Variants in CNTN4 observed in about 807,000 individuals in gnomAD.
CNTN4 encodes contactin-4.
Under a neutral mutation model 122.5 loss-of-function variants are expected in CNTN4, and 77 were observed. The observed-to-expected ratio is 0.63, with a 90% CI of 0.52 to 0.76. The LOEUF is 0.76. CNTN4 is among the 30% of genes least tolerant of loss of function. CNTN4 has a pLI of 0.00. For synonymous variants in CNTN4, 512 were observed against 447.0 expected, an observed-to-expected ratio of 1.15 and a Z score of -1.83; for missense variants, 1,256 against 1,259.1, an observed-to-expected ratio of 1.00 and a Z score of 0.04.
chr3:3,016,826 A>T (rs1697802989), intron 14 of CNTN4, among the ~76,000 whole-genome samples: 1 of 152,004 alleles, frequency 6.6e-6, no homozygotes, highest in African/African-American at 2.4e-5. Flanking sequence ...CTGCTTTGCG[A>T]TTTTCCCCCA....
At chr3:2,672,724 A>T (rs576068369) in intron 4 of CNTN4, among the ~76,000 whole-genome samples, 4 of 152,198 alleles carry the variant, frequency 2.6e-5, no homozygotes, top group African/African-American at 9.6e-5. Context: ...AGCTGTTCCT[A>T]TTCGGCCATC....
intron 4 of CNTN4, among the ~76,000 whole-genome samples, chr3:2,703,518 A>G (rs1161787521): frequency 6.6e-6 from 1 of 152,334 alleles, no homozygotes; most frequent in South Asian, 2.1e-4. Flanking sequence ...TGAAACAATC[A>G]TAACAGTTCC....
At chr3:2,441,310 G>A (rs1217053624) in intron 3 of CNTN4, among the ~76,000 whole-genome samples, 3 of 152,140 alleles carry the variant, frequency 2.0e-5, no homozygotes, top group Non-Finnish European at 4.4e-5. Flanking sequence ...ATTAATATGT[G>A]ATTCAAAAGT....
chr3:2,666,327 A>T (rs1439714734), intron 4 of CNTN4, among the ~76,000 whole-genome samples: 1 of 152,184 alleles, frequency 6.6e-6, no homozygotes, highest in East Asian at 1.9e-4. Context: ...TTAAGTCTTC[A>T]TAGTCATGGT....
chr3:2,587,960 G>C (rs1276092247), intron 4 of CNTN4, among the ~76,000 whole-genome samples: 3 of 152,064 alleles, frequency 2.0e-5, no homozygotes, highest in Non-Finnish European at 4.4e-5. Context: ...TAAAGAGTGA[G>C]ATGGAGCACA....
chr3:2,704,828 C>T (rs1347591573), intron 4 of CNTN4, among the ~76,000 whole-genome samples: 2 of 152,106 alleles, frequency 1.3e-5, no homozygotes, highest in Non-Finnish European at 2.9e-5. Context: ...CCATAGATGA[C>T]AGTTGAAGTT....
At chr3:2,980,557 C>A (rs895298797) in intron 13 of CNTN4, among the ~76,000 whole-genome samples, 13 of 152,258 alleles carry the variant, frequency 8.5e-5, no homozygotes, top group Admixed American at 4.6e-4. Context: ...GAAATCTCAT[C>A]CAGAAACAAA....
chr3:2,143,698 T>A (rs912617017), intron 2 of CNTN4, among the ~76,000 whole-genome samples: 4 of 152,244 alleles, frequency 2.6e-5, no homozygotes, highest in African/African-American at 7.2e-5. Context: ...GTTATTATTA[T>A]CTCTGATTTG....
chr3:2,516,721 C>T (rs1181916732), intron 3 of CNTN4, among the ~76,000 whole-genome samples: 2 of 151,954 alleles, frequency 1.3e-5, no homozygotes, highest in East Asian at 3.9e-4. Context: ...GAGAGGAACA[C>T]ATCAGAAGGA....
Position 2,896,465 on chromosome 3 carries a change from C to T in CNTN4, c.941-4220C>T, listed in dbSNP as rs1009631298. Among the ~76,000 whole-genome samples, 7 of 152,242 alleles carry T rather than the reference C, an allele frequency of 4.6e-5. No homozygotes were observed. The East Asian group carries it at 7.7e-4, about 17-fold the overall frequency. On this transcript the variant is annotated intron_variant, in intron 10 of 24. Transcript: ENST00000418658. ...AGAAGCACAGATTATCAGTGCTGAA[C>T]AAACACCAAAGATGGACCTTGCCCT...
intron 3 of CNTN4, among the ~76,000 whole-genome samples, chr3:2,397,575 C>G (rs2046686401): frequency 1.3e-5 from 2 of 151,894 alleles, no homozygotes; most frequent in Admixed American, 1.3e-4. Context: ...ATACAGACTA[C>G]AGTATGCAGC....
chr3:2,326,085 C>G (rs1223515166), intron 2 of CNTN4, among the ~76,000 whole-genome samples: 1 of 152,118 alleles, frequency 6.6e-6, no homozygotes, highest in Non-Finnish European at 1.5e-5. Context: ...GAGGATGTTT[C>G]TGGATGAAAT....
intron 14 of CNTN4, 56 bp downstream of exon 14, chr3:2,988,528 A>G: frequency 6.3e-7 from 1 of 1,588,836 alleles, no homozygotes. Context: ...GTGTCTAATA[A>G]TGTAATCTAC....
intron 2 of CNTN4, among the ~76,000 whole-genome samples, chr3:2,140,584 G>A (rs1015226638): frequency 6.6e-6 from 1 of 152,140 alleles, no homozygotes; most frequent in African/African-American, 2.4e-5. Flanking sequence ...TTATAAGGGC[G>A]CTAACCCCAT....
chr3:2,678,425 G>C (rs2084987698), intron 4 of CNTN4, among the ~76,000 whole-genome samples: 1 of 152,064 alleles, frequency 6.6e-6, no homozygotes. Context: ...CTAGGTAGCT[G>C]CTTAATAACA....
chr3:2,369,265 C>G (rs1437279373), intron 3 of CNTN4, among the ~76,000 whole-genome samples: 1 of 152,148 alleles, frequency 6.6e-6, no homozygotes, highest in African/African-American at 2.4e-5. Context: ...TAGGCATTGT[C>G]CCTGTTTTTG....
intron 7 of CNTN4, among the ~76,000 whole-genome samples, chr3:2,848,428 A>C (rs1384640376): frequency 6.6e-6 from 1 of 152,224 alleles, no homozygotes; most frequent in Non-Finnish European, 1.5e-5. Context: ...GTTTGAAAAC[A>C]CATTTCCAGA....
At chr3:2,571,593 A>G (rs1428060503) in intron 4 of CNTN4, 35 bp downstream of exon 4, 12 of 1,487,520 alleles carry the variant, frequency 8.1e-6, no homozygotes, top group African/African-American at 1.4e-5. Flanking sequence ...TGATTTAGAA[A>G]TGCCACTGTA....
intron 2 of CNTN4, among the ~76,000 whole-genome samples, chr3:2,318,916 C>A (rs917846494): frequency 6.6e-6 from 1 of 152,106 alleles, no homozygotes; most frequent in Non-Finnish European, 1.5e-5. Flanking sequence ...TTGGGGATAA[C>A]CCCACTTGGG....
Sources: gnomAD v4.1 joint callset for allele counts (sites outside exome capture counted in the v4.1 genomes callset) on GRCh38, gnomAD v4.1.1 for gene constraint, MANE v1.5 for transcripts, NCBI Gene and HGNC (gene_info 2026-07-23, HGNC 2026-07-21) for gene names.